Variants in PIP5KL1 observed in about 807,000 individuals in gnomAD.
PIP5KL1 encodes phosphatidylinositol-4-phosphate 5-kinase like 1.
In PIP5KL1, 45 loss-of-function variants were observed where a neutral mutation model predicts 47.6. The observed-to-expected ratio is 0.94, with a 90% CI of 0.74 to 1.21. The LOEUF (loss-of-function observed/expected upper bound fraction) is 1.21, where lower values mean the gene tolerates loss of function less well. Ranked by LOEUF, PIP5KL1 falls within the 50% of genes most tolerant of loss-of-function variation. The pLI is 0.00. For synonymous variants in PIP5KL1, 256 were observed against 234.6 expected, an observed-to-expected ratio of 1.09 and a Z score of -0.84; for missense variants, 577 against 547.6, an observed-to-expected ratio of 1.05 and a Z score of -0.54.
At chr9:127,928,942 A>C (rs1049386873) in intron 2 of PIP5KL1, among the ~76,000 whole-genome samples, 1 of 152,180 alleles carries the variant, frequency 6.6e-6, no homozygotes, top group African/African-American at 2.4e-5. Context: ...GGGTGCTCGC[A>C]CCAGTAGAAA....
At chr9:127,923,033 C>G (rs1341804812) in intron 9 of PIP5KL1, among the ~76,000 whole-genome samples, 1 of 152,210 alleles carries the variant, frequency 6.6e-6, no homozygotes, top group African/African-American at 2.4e-5. Context: ...CATCCAACCC[C>G]AGAAGTCTCA....
intron 9 of PIP5KL1, among the ~76,000 whole-genome samples, chr9:127,922,671 GGCAACAGA>G (rs1203881003): frequency 9.0e-6 from 1 of 110,512 alleles, no homozygotes; most frequent in African/African-American, 3.3e-5. Flanking sequence ...CTCCAGCCTG[GGCAACAGA>G]GCGAGACTCT....
rs1245561132 is a variant in PIP5KL1 at position 127,930,721 on chromosome 9, A to C, written c.30+2T>G. The C allele has an allele frequency of 6.4e-7, 1 of 1,569,480 alleles. No individual in the cohort carries two copies. The highest frequency in any genetic ancestry group is 1.2e-5 in the South Asian group (1 of 84,756). On this transcript the variant is annotated splice_donor_variant, in intron 1 of 9. Coordinates refer to ENST00000388747, the MANE Select transcript of PIP5KL1 (RefSeq NM_001135219.2). LOFTEE classifies it high-confidence loss of function. ...CCTGTCCTCTCTCGGGTCCGCACCT[A>C]CCTCGCGGGGCCCCGGGCTCGGCGC...
Position 127,927,668 on chromosome 9 carries a change from G to T in PIP5KL1, c.539C>A (p.Ser180Ter). 3 of 1,540,292 alleles carry T rather than the reference G, an allele frequency of 1.9e-6. No individual in the cohort carries two copies. Among genetic ancestry groups the T allele is most frequent in the Non-Finnish European group, 8.7e-7 (1 of 1,145,654 alleles). The change falls in exon 5 of 10, where the codon TCG becomes TAG. Residue 180 changes from serine to a stop codon, truncating the protein, a stop_gained. Transcript: ENST00000388747. LOFTEE classifies it high-confidence loss of function. This position sits in a 1 kb window ranked among gnomAD's most constrained non-coding sequence, Gnocchi z 5.5. ...YVQHLQRHPH[S>*]LLARLLGVHS... ...AGTACCCAGCAACCGCGCCAGCAGC[G>T]AGTGCGGGTGCCGCTGCAGGTGCTG... is the stretch of plus-strand genomic sequence containing the variant.
chr9:127,928,039 CTG>C, intron 4 of PIP5KL1, 24 bp downstream of exon 4: 1 of 1,518,824 alleles, frequency 6.6e-7, no homozygotes, highest in Non-Finnish European at 8.8e-7. Flanking sequence ...ACTCCCACCC[CTG>C]CCCCACCCCT....
At chr9:127,924,316 C>T (rs533611879) in intron 9 of PIP5KL1, among the ~76,000 whole-genome samples, 2 of 152,110 alleles carry the variant, frequency 1.3e-5, no homozygotes, top group South Asian at 4.2e-4. Flanking sequence ...TTGATGAAAC[C>T]CCGTCTCTAA....
chr9:127,925,477 AT>A (rs1026957676), intron 8 of PIP5KL1: 2 of 558,928 alleles, frequency 3.6e-6, no homozygotes, highest in Non-Finnish European at 3.1e-6. Context: ...TTTTTATTTT[AT>A]TTTTTGAGAC....
rs1458402016 is a variant in PIP5KL1 at position 127,927,625 on chromosome 9, G to A, written c.559+23C>T. On this transcript the variant is annotated intron_variant, in intron 5 of 9. Transcript: ENST00000388747. The surrounding 1 kb of genome is among the most constrained non-coding windows in gnomAD (Gnocchi z 5.5). ...TGATGACCTAGGACCCGCCCCCACC[G>A]AGCCCCGCCCCCAGCCAAGTACCCA... The A allele has an allele frequency of 9.5e-7, 1 of 1,052,822 alleles. No homozygotes were observed. Among genetic ancestry groups the A allele is most frequent in the Non-Finnish European group, 1.2e-6 (1 of 859,454 alleles). 65.2% of individuals were successfully genotyped at this position (1,052,822 alleles called of 1,614,324 possible).
Position 127,929,629 on chromosome 9 carries a change from C to G in PIP5KL1, c.228+59G>C. The stretch of plus-strand genomic sequence containing the variant: ...CACCTGCAGTTTCAGCCAGACAGGG[C>G]ATCAGCCAAGTCTTGCCATTGCTGG... On this transcript the variant is annotated intron_variant, in intron 2 of 9. Coordinates refer to ENST00000388747, the MANE Select transcript of PIP5KL1 (RefSeq NM_001135219.2). The surrounding 1 kb of genome is among the most constrained non-coding windows in gnomAD (Gnocchi z 4.0). 2.8e-6 allele frequency: 4 copies of G among 1,446,142 alleles called. No individual in the cohort carries two copies. The South Asian group carries it at 4.1e-5, about 15-fold the overall frequency. 89.6% of individuals were successfully genotyped at this position (1,446,142 alleles called of 1,614,324 possible). A position where few individuals can be genotyped will look rare whatever the true frequency, so the allele number is the denominator to read the frequency against.
In PIP5KL1 at chr9:127,921,047, G is replaced by C. The variant is rs946473533; in HGVS notation, c.*800C>G. ...GGCCCGCTTGGGCTTGGGCATGGTCGGATTGAACTGGGGTCAGAGGCCAGG... is the reference window on the plus strand; with the variant it reads ...GGCCCGCTTGGGCTTGGGCATGGTCCGATTGAACTGGGGTCAGAGGCCAGG... On this transcript the variant is annotated 3_prime_UTR_variant, in exon 10 of 10. Transcript: ENST00000388747. 1.3e-5 allele frequency: 2 copies of C among 152,320 alleles called. No individual in the cohort carries two copies. Among genetic ancestry groups the C allele is most frequent in the Non-Finnish European group, 2.9e-5 (2 of 68,110 alleles). 9.4% of individuals were successfully genotyped at this position (152,320 alleles called of 1,614,324 possible). A position where few individuals can be genotyped will look rare whatever the true frequency, so the allele number is the denominator to read the frequency against.
chr9:127,928,293 G>C, intron 3 of PIP5KL1, 74 bp from the exon 4 acceptor site: 3 of 1,537,298 alleles, frequency 2.0e-6, no homozygotes, highest in Non-Finnish European at 2.6e-6. Flanking sequence ...TGGGACAGGA[G>C]GGTCAGGGTG....
rs1308259940 is a variant in PIP5KL1, at chr9:127,927,646, A to G, written c.559+2T>C. 1.3e-6 allele frequency: 2 copies of G among 1,532,672 alleles called. No homozygotes were observed. Among genetic ancestry groups the G allele is most frequent in the African/African-American group, 2.8e-5 (2 of 72,146 alleles). The allele number at this position is 1,532,672 out of a possible 1,614,324, so 94.9% of individuals were successfully genotyped here. A position where few individuals can be genotyped will look rare whatever the true frequency, so the allele number is the denominator to read the frequency against. On this transcript the variant is annotated splice_donor_variant, in intron 5 of 9. Transcript: ENST00000388747. LOFTEE classifies it high-confidence loss of function. The surrounding 1 kb of genome is among the most constrained non-coding windows in gnomAD (Gnocchi z 5.5). ...CACCGAGCCCCGCCCCCAGCCAAGT[A>G]CCCAGCAACCGCGCCAGCAGCGAGT...
At chr9:127,930,026 A>C in intron 1 of PIP5KL1, 141 bp from the exon 2 acceptor site, 2 of 862,414 alleles carry the variant, frequency 2.3e-6, no homozygotes, top group East Asian at 5.4e-5. Flanking sequence ...AATAGAGATG[A>C]TGCTGGTACC....
At chr9:127,926,130 TTC>T in intron 7 of PIP5KL1, 151 bp from the exon 8 acceptor site, 1 of 459,576 alleles carries the variant, frequency 2.2e-6, no homozygotes, top group Non-Finnish European at 3.8e-6. Flanking sequence ...TTCTCTTTCT[TTC>T]TTTCTTTCTC....
intron 3 of PIP5KL1, 28 bp downstream of exon 3, chr9:127,928,401 GTCCC>G (rs1564138675): frequency 1.3e-6 from 2 of 1,583,788 alleles, no homozygotes; most frequent in Non-Finnish European, 1.7e-6. Flanking sequence ...ACCAGCACAC[GTCCC>G]TCCCACACGG....
chr9:127,927,249 C>A lies in PIP5KL1; in HGVS notation c.595-41G>T, dbSNP rs1831375935. ...GGGAGTGAGGGAGGCCGGCTGTCGC[C>A]CTCCAGCCGCCCGCTCCGCCCAGCC... On this transcript the variant is annotated intron_variant, in intron 6 of 9. Transcript: ENST00000388747. The surrounding 1 kb of genome is among the most constrained non-coding windows in gnomAD (Gnocchi z 5.5). The A allele has an allele frequency of 6.2e-7, 1 of 1,611,314 alleles. No homozygotes were observed. Among genetic ancestry groups the A allele is most frequent in the Non-Finnish European group, 8.5e-7 (1 of 1,179,344 alleles).
In PIP5KL1 at chr9:127,927,079, G is replaced by A. The variant is rs1415151710; in HGVS notation, c.650+74C>T. On this transcript the variant is annotated intron_variant, in intron 7 of 9. Coordinates refer to ENST00000388747, the MANE Select transcript of PIP5KL1 (RefSeq NM_001135219.2). The surrounding 1 kb of genome is among the most constrained non-coding windows in gnomAD (Gnocchi z 5.5). ...TTCCTGGGCCTCGGTTTCACCGTCT[G>A]GCTAGTGAGTGTGGGTGCTTCGGGC... 1.4e-6 allele frequency: 2 copies of A among 1,463,900 alleles called. No individual in the cohort carries two copies. The highest frequency in any genetic ancestry group is 2.8e-5 in the African/African-American group (2 of 71,434). The allele number at this position is 1,463,900 out of a possible 1,614,324, so 90.7% of individuals were successfully genotyped here.
At position 127,927,968 on chromosome 9, in the gene PIP5KL1, T is replaced by C. The variant is rs559564552; in HGVS notation, c.434+97A>G. ...ACCCTCCCAGATTAGGGCCGCTCTG[T>C]TTCTCTCTTCAGGGGGCCTTCCCCG... On this transcript the variant is annotated intron_variant, in intron 4 of 9. Coordinates refer to ENST00000388747, the MANE Select transcript of PIP5KL1 (RefSeq NM_001135219.2). This position sits in a 1 kb window ranked among gnomAD's most constrained non-coding sequence, Gnocchi z 5.5. 4 of 1,445,062 alleles carry C rather than the reference T, an allele frequency of 2.8e-6. No individual in the cohort carries two copies. Among genetic ancestry groups the C allele is most frequent in the African/African-American group, 2.9e-5 (2 of 69,440 alleles). The allele number at this position is 1,445,062 out of a possible 1,614,324, so 89.5% of individuals were successfully genotyped here. A position where few individuals can be genotyped will look rare whatever the true frequency, so the allele number is the denominator to read the frequency against.
At chr9:127,923,819 C>T (rs1420190763) in intron 9 of PIP5KL1, among the ~76,000 whole-genome samples, 1 of 152,196 alleles carries the variant, frequency 6.6e-6, no homozygotes, top group African/African-American at 2.4e-5. Context: ...CCTGAGGGAA[C>T]TGAAATGGAA....
Sources: allele counts gnomAD v4.1 joint callset (sites outside exome capture counted in the v4.1 genomes callset), GRCh38; gene constraint gnomAD v4.1.1; non-coding constraint Gnocchi (gnomAD v3.1); transcripts MANE v1.5; gene names NCBI Gene and HGNC (gene_info 2026-07-23, HGNC 2026-07-21).